OXNAD1: variants seen among roughly 807,000 people sequenced by gnomAD.
OXNAD1 encodes the protein oxidoreductase NAD-binding domain-containing protein 1.
OXNAD1 carries 34 observed loss-of-function variants against 32.9 expected under a neutral mutation model. That is an observed-to-expected ratio of 1.03 (90% CI 0.79 to 1.38). OXNAD1 has a LOEUF of 1.38. OXNAD1 is among the 40% of genes most tolerant of loss of function. The pLI is 0.00. For missense variants in OXNAD1, 407 were observed against 379.4 expected, an observed-to-expected ratio of 1.07 and a Z score of -0.60; for synonymous variants, 134 against 135.2, an observed-to-expected ratio of 0.99 and a Z score of 0.06.
At chr3:16,323,593 C>G (rs2069332921) in intron 9 of OXNAD1, 12 of 601,038 alleles carry the variant, frequency 2.0e-5, no homozygotes, top group South Asian at 1.5e-4. Context: ...GACGCCTGCT[C>G]TACTCTTCCG....
chr3:16,345,815 T>C lies in OXNAD1; in HGVS notation c.*31-3361T>C, dbSNP rs1488827493. On this transcript the variant is annotated intron_variant, in intron 9 of 9. Coordinates refer to the OXNAD1 transcript ENST00000606098. This position sits in a 1 kb window ranked among gnomAD's most constrained non-coding sequence, Gnocchi z 5.2. ...GTGTGTGTGTGTGTGTGTGTGTGTG[T>C]GTGCGCGCGCGCGTGCGCGCACGCG... Among the ~76,000 whole-genome samples, 9 of 82,394 alleles carry C rather than the reference T, an allele frequency of 1.1e-4. No homozygotes were observed. Among genetic ancestry groups the C allele is most frequent in the South Asian group, 3.8e-4 (1 of 2,634 alleles). The allele number at this position is 82,394 out of a possible 152,430, so 54.1% of individuals were successfully genotyped here. A position where few individuals can be genotyped will look rare whatever the true frequency, so the allele number is the denominator to read the frequency against.
intron 9 of OXNAD1, among the ~76,000 whole-genome samples, chr3:16,328,784 C>T (rs560798380): frequency 2.0e-5 from 3 of 152,304 alleles, no homozygotes; most frequent in South Asian, 2.1e-4. Flanking sequence ...TGAGAACCAT[C>T]GCCTAGGTAA....
chr3:16,318,160 C>T (rs1486899574), intron 9 of OXNAD1, among the ~76,000 whole-genome samples: 2 of 152,006 alleles, frequency 1.3e-5, no homozygotes, highest in African/African-American at 2.4e-5. Context: ...AGCAAGACCA[C>T]CCGAGAGCGA....
rs768961801 is a variant in OXNAD1 at position 16,327,453 on chromosome 3, T to C, written c.*31-9659T>C. On this transcript the variant is annotated intron_variant, in intron 9 of 9. Transcript: ENST00000435829. This position sits in a 1 kb window ranked among gnomAD's most constrained non-coding sequence, Gnocchi z 4.2. ...TTAGGATTTGGGGAACTAACATTTG[T>C]CTTTCAGTTAAAAAACTCAGCCCCG... 9.9e-5 allele frequency among the ~76,000 whole-genome samples: 15 copies of C among 152,178 alleles called. No homozygotes were observed. Among genetic ancestry groups the C allele is most frequent in the Admixed American group, 2.0e-4 (3 of 15,286 alleles).
Position 16,287,135 on chromosome 3 carries a change from A to G in OXNAD1, c.290+687A>G, listed in dbSNP as rs541787801. Among the ~76,000 whole-genome samples the G allele has an allele frequency of 9.8e-5, 15 of 152,288 alleles. 1 individual carries two copies. The highest frequency in any genetic ancestry group is 8.3e-4 in the South Asian group (4 of 4,826). ...CTCCCTGAGCTTCAATTCAAGTTCA[A>G]TTGTAAGGAAAGCAACTTGAATTTC... is the stretch of plus-strand genomic sequence containing the variant. On this transcript the variant is annotated intron_variant, in intron 5 of 8. Coordinates refer to ENST00000285083, the MANE Select transcript of OXNAD1 (RefSeq NM_138381.5). The surrounding 1 kb of genome is among the most constrained non-coding windows in gnomAD (Gnocchi z 4.8).
intron 9 of OXNAD1, among the ~76,000 whole-genome samples, chr3:16,325,006 G>A (rs990433238): frequency 6.6e-6 from 1 of 151,984 alleles, no homozygotes; most frequent in African/African-American, 2.4e-5. Flanking sequence ...CCCAATCAGT[G>A]TGAGGCTATA....
chr3:16,325,146 T>C (rs1440977705), intron 9 of OXNAD1, among the ~76,000 whole-genome samples: 1 of 152,260 alleles, frequency 6.6e-6, no homozygotes, highest in Non-Finnish European at 1.5e-5. Context: ...ACCTATTTTG[T>C]GTAGCGGCTA....
In OXNAD1 at chr3:16,314,397, A is replaced by G. The variant is rs966749824; in HGVS notation, c.*30+10805A>G. On this transcript the variant is annotated intron_variant, in intron 9 of 9. Coordinates refer to the OXNAD1 transcript ENST00000435829. The surrounding 1 kb of genome is among the most constrained non-coding windows in gnomAD (Gnocchi z 4.4). The stretch of plus-strand genomic sequence containing the variant: ...ACAAGCTGTGTTTCAACTGACAGAG[A>G]CCCTGTGGCCAGTGGTATTCAACTT... 2 of 152,164 alleles carry G rather than the reference A, an allele frequency of 1.3e-5. No individual in the cohort carries two copies. Among genetic ancestry groups the G allele is most frequent in the African/African-American group, 2.4e-5 (1 of 41,426 alleles). 9.4% of individuals were successfully genotyped at this position (152,164 alleles called of 1,614,324 possible).
At chr3:16,338,967 C>A (rs1272428833), downstream of OXNAD1, among the ~76,000 whole-genome samples, 1 of 152,098 alleles carries the variant, frequency 6.6e-6, no homozygotes, top group Non-Finnish European at 1.5e-5. The surrounding 1 kb of genome is among the most constrained non-coding windows in gnomAD (Gnocchi z 5.3). Context: ...AAAATGCAAA[C>A]CCAGAAGAGG....
Position 16,312,476 on chromosome 3 carries a change from C to A in OXNAD1, c.*30+8884C>A, listed in dbSNP as rs2068041947. ...CTCCTGGCCACACACACCAGTCATC[C>A]TCACCCTTCCCGTCTTGCCAGTCCT... On this transcript the variant is annotated intron_variant, in intron 9 of 9. Transcript: ENST00000435829. This position sits in a 1 kb window ranked among gnomAD's most constrained non-coding sequence, Gnocchi z 4.7. Among the ~76,000 whole-genome samples the A allele has an allele frequency of 6.6e-6, 1 of 152,220 alleles. No individual in the cohort carries two copies.
At position 16,283,896 on chromosome 3, in the gene OXNAD1, A is replaced by G. The variant is rs186289163; in HGVS notation, c.184-2446A>G. Among the ~76,000 whole-genome samples, 345 of 152,274 alleles carry G rather than the reference A, an allele frequency of 2.3e-3. 3 individuals carry two copies. The highest frequency in any genetic ancestry group is 8.1e-3 in the African/African-American group (337 of 41,556). ...TTCAGAGAGGTCAGGGAGGGTGAGA[A>G]CTGAGACTGGACATTGAGTTTGGTT... On this transcript the variant is annotated intron_variant, in intron 4 of 8. Coordinates refer to ENST00000285083, the MANE Select transcript of OXNAD1 (RefSeq NM_138381.5).
chr3:16,278,740 C>T (rs928357834), intron 4 of OXNAD1, among the ~76,000 whole-genome samples: 1 of 152,216 alleles, frequency 6.6e-6, no homozygotes, highest in Non-Finnish European at 1.5e-5. Flanking sequence ...CAATGTGTTA[C>T]TAGGCATGAG....
At chr3:16,331,159 G>A (rs2070269612) in intron 9 of OXNAD1, among the ~76,000 whole-genome samples, 2 of 152,182 alleles carry the variant, frequency 1.3e-5, no homozygotes, top group African/African-American at 2.4e-5. Flanking sequence ...CTGAGACCTT[G>A]CCTTTCACCA....
chr3:16,271,737 G>C lies in OXNAD1; in HGVS notation c.183+15G>C. On this transcript the variant is annotated intron_variant, in intron 4 of 8. Transcript: ENST00000285083. The surrounding 1 kb of genome is among the most constrained non-coding windows in gnomAD (Gnocchi z 4.6). ...TTCGACGGGAGGTTTGTATCTTTGG[G>C]GTATGACAGGTTTTTCCAGCTAGAC... The C allele has an allele frequency of 6.2e-7, 1 of 1,600,506 alleles. No individual in the cohort carries two copies.
Position 16,321,158 on chromosome 3 carries a change from G to T in OXNAD1, c.*31-15954G>T, listed in dbSNP as rs1021769036. On this transcript the variant is annotated intron_variant, in intron 9 of 9. Coordinates refer to the OXNAD1 transcript ENST00000435829. The surrounding 1 kb of genome is among the most constrained non-coding windows in gnomAD (Gnocchi z 4.8). ...AGATAGGGTGGCGGTTGGCCAGGTG[G>T]GCGAGGTATGGGGAGGGGGACAGTC... Among the ~76,000 whole-genome samples the T allele has an allele frequency of 6.6e-6, 1 of 152,118 alleles. No homozygotes were observed. Among genetic ancestry groups the T allele is most frequent in the Non-Finnish European group, 1.5e-5 (1 of 68,008 alleles).
chr3:16,312,042 C>T lies in OXNAD1; in HGVS notation c.*30+8450C>T, dbSNP rs1183649218. The stretch of plus-strand genomic sequence containing the variant: ...GGGACATGCCGCTGTTGTGCAAGGG[C>T]TGGGGAAGCAAGCACCAGCCAGGTT... On this transcript the variant is annotated intron_variant, in intron 9 of 9. Transcript: ENST00000435829. This position sits in a 1 kb window ranked among gnomAD's most constrained non-coding sequence, Gnocchi z 4.7. Among the ~76,000 whole-genome samples, 1 of 152,160 alleles carries T rather than the reference C, an allele frequency of 6.6e-6. No homozygotes were observed. Among genetic ancestry groups the T allele is most frequent in the Non-Finnish European group, 1.5e-5 (1 of 68,034 alleles).
intron 9 of OXNAD1, chr3:16,347,589 C>G (rs912455592): frequency 6.6e-6 from 1 of 152,196 alleles, no homozygotes; most frequent in Non-Finnish European, 1.5e-5. Flanking sequence ...CCCTCTGCCT[C>G]TCTGTTACAC....
Position 16,336,504 on chromosome 3 carries a change from C to T in OXNAD1, c.*31-608C>T, listed in dbSNP as rs2070863048. Among the ~76,000 whole-genome samples, 1 of 152,204 alleles carries T rather than the reference C, an allele frequency of 6.6e-6. No homozygotes were observed. Reference sequence around the variant, plus strand: ...GGCCTCTGCGGGAGGGAGGGACAGGCACGCTGGCCGGCTAGAGATGTTGTT... The same window carrying T: ...GGCCTCTGCGGGAGGGAGGGACAGGTACGCTGGCCGGCTAGAGATGTTGTT... On this transcript the variant is annotated intron_variant, in intron 9 of 9. Transcript: ENST00000435829. The surrounding 1 kb of genome is among the most constrained non-coding windows in gnomAD (Gnocchi z 6.0).
intron 4 of OXNAD1, among the ~76,000 whole-genome samples, chr3:16,273,551 T>C (rs842291): frequency 0.99 from 150,787 of 152,214 alleles, 74,694 homozygotes; most frequent in East Asian, 1. Context: ...ACTATTGTGC[T>C]CAGCTAATTT....
Sources: gnomAD v4.1 joint callset for allele counts (sites outside exome capture counted in the v4.1 genomes callset) on GRCh38, gnomAD v4.1.1 for gene constraint, Gnocchi (gnomAD v3.1) non-coding constraint, MANE v1.5 for transcripts, NCBI Gene and HGNC (gene_info 2026-07-23, HGNC 2026-07-21) for gene names.